POC1A: variants seen among roughly 807,000 people sequenced by gnomAD.
POC1A encodes the protein POC1 centriolar protein homolog A.
Under a neutral mutation model 47.8 loss-of-function variants are expected in POC1A, and 34 were observed. The observed-to-expected ratio is 0.71, with a 90% CI of 0.54 to 0.95. POC1A has a LOEUF of 0.95. Ranked by LOEUF, POC1A falls within the 40% of genes least tolerant of loss-of-function variation. The pLI is 0.00. For synonymous variants in POC1A, 177 were observed against 207.6 expected, an observed-to-expected ratio of 0.85 and a Z score of 1.27; for missense variants, 466 against 528.3, an observed-to-expected ratio of 0.88 and a Z score of 1.16.
intron 9 of POC1A, among the ~76,000 whole-genome samples, chr3:52,116,465 A>G (rs1044340582): frequency 1.5e-4 from 23 of 152,198 alleles, no homozygotes; most frequent in South Asian, 2.1e-4. Flanking sequence ...TCTTGTCCTG[A>G]GGAATCCTGT....
At chr3:52,143,850 T>C (rs879390177) in intron 6 of POC1A, among the ~76,000 whole-genome samples, 5 of 152,124 alleles carry the variant, frequency 3.3e-5, no homozygotes, top group Admixed American at 2.0e-4. Flanking sequence ...GCACTGCCAA[T>C]CAGGCCACAT....
At chr3:52,081,080 C>T (rs534833314) in intron 10 of POC1A, among the ~76,000 whole-genome samples, 11 of 152,360 alleles carry the variant, frequency 7.2e-5, no homozygotes, top group African/African-American at 2.6e-4. Context: ...CCAGCAATTT[C>T]CTGGAAGCCA....
chr3:52,143,487 T>C (rs1199487456), intron 6 of POC1A, among the ~76,000 whole-genome samples: 1 of 152,176 alleles, frequency 6.6e-6, no homozygotes, highest in African/African-American at 2.4e-5. Context: ...TCTCCCATGC[T>C]TGGAGACGGG....
chr3:52,107,390 T>G, intron 9 of POC1A, among the ~76,000 whole-genome samples: 1 of 152,260 alleles, frequency 6.6e-6, no homozygotes, highest in Admixed American at 6.5e-5. Context: ...GAGTCTGTTC[T>G]GGAGTTCCTG....
chr3:52,137,052 G>A (rs1704497566), intron 7 of POC1A, among the ~76,000 whole-genome samples: 1 of 152,134 alleles, frequency 6.6e-6, no homozygotes, highest in African/African-American at 2.4e-5. Flanking sequence ...TTGTCCAGGG[G>A]CTTGGCTTGT....
intron 9 of POC1A, among the ~76,000 whole-genome samples, chr3:52,106,901 C>A (rs577254271): frequency 6.6e-6 from 1 of 152,342 alleles, no homozygotes; most frequent in South Asian, 2.1e-4. Flanking sequence ...AAGAATTTTC[C>A]CCCACACAAA....
chr3:52,085,927 G>C (rs1702444278), intron 10 of POC1A, among the ~76,000 whole-genome samples: 1 of 152,234 alleles, frequency 6.6e-6, no homozygotes, highest in Non-Finnish European at 1.5e-5. Context: ...GCTCCGGGAT[G>C]TTGGGGGAGC....
At chr3:52,148,449 C>T (rs1698440873) in intron 4 of POC1A, among the ~76,000 whole-genome samples, 1 of 152,230 alleles carries the variant, frequency 6.6e-6, no homozygotes, top group Non-Finnish European at 1.5e-5. Context: ...GCACCCCAAC[C>T]CCTTCCTCTG....
rs904692197 is a variant in POC1A, at chr3:52,138,975, A to C, written c.680-673T>G. 2.0e-5 allele frequency among the ~76,000 whole-genome samples: 3 copies of C among 152,160 alleles called. No individual in the cohort carries two copies. In the South Asian group the frequency reaches 6.2e-4, roughly 32 times the overall value. ...CAGCCTCCTGAGTAGCTGAGACTAC[A>C]GGTGTGCCACTACGTCCAGCTGATT... On this transcript the variant is annotated intron_variant, in intron 6 of 10. Transcript: ENST00000296484.
intron 9 of POC1A, among the ~76,000 whole-genome samples, chr3:52,115,915 A>G (rs1365145561): frequency 2.0e-5 from 3 of 152,202 alleles, no homozygotes; most frequent in Admixed American, 2.0e-4. Flanking sequence ...ATACTTAACC[A>G]GTATAATGTA....
intron 7 of POC1A, among the ~76,000 whole-genome samples, chr3:52,136,324 C>A (rs760855988): frequency 2.6e-5 from 4 of 152,088 alleles, no homozygotes; most frequent in Non-Finnish European, 5.9e-5. Flanking sequence ...CAGGGCCTAC[C>A]CACCTTCACC....
chr3:52,143,711 C>T (rs1698273209), intron 6 of POC1A, among the ~76,000 whole-genome samples: 1 of 152,204 alleles, frequency 6.6e-6, no homozygotes, highest in Non-Finnish European at 1.5e-5. Context: ...ATACCAGGCA[C>T]AGCTGGACAC....
At chr3:52,091,260 G>C (rs192007879) in intron 10 of POC1A, among the ~76,000 whole-genome samples, 1 of 152,080 alleles carries the variant, frequency 6.6e-6, no homozygotes, top group South Asian at 2.1e-4. Context: ...CGGGGAGCTC[G>C]CAGCATGTGA....
Position 52,149,126 on chromosome 3 carries a change from T to A in POC1A, c.455+84A>T, listed in dbSNP as rs867977794. The A allele has an allele frequency of 5.1e-6, 6 of 1,180,410 alleles. No homozygotes were observed. The Middle Eastern group carries it at 7.4e-4, about 146-fold the overall frequency. 73.1% of individuals were successfully genotyped at this position (1,180,410 alleles called of 1,614,324 possible). A position where few individuals can be genotyped will look rare whatever the true frequency, so the allele number is the denominator to read the frequency against. On this transcript the variant is annotated intron_variant, in intron 4 of 10. Coordinates refer to ENST00000296484, the MANE Select transcript of POC1A (RefSeq NM_015426.5). ...CAATGCCTAAGTAACTTGCCCGAGG[T>A]CATAAGTTGGTACCTAGCAGCCCCT...
Position 52,154,402 on chromosome 3 carries a change from C to G in POC1A, c.-30G>C. The G allele has an allele frequency of 6.9e-7, 1 of 1,447,934 alleles. No individual in the cohort carries two copies. Among genetic ancestry groups the G allele is most frequent in the Non-Finnish European group, 9.0e-7 (1 of 1,106,722 alleles). The allele number at this position is 1,447,934 out of a possible 1,614,324, so 89.7% of individuals were successfully genotyped here. ...GGGCTGGCGGCGCCGAAGGCAGCTGCGGTGGCCGTTGCGGCCCGTTCAGTT... is the reference window on the plus strand; with the variant it reads ...GGGCTGGCGGCGCCGAAGGCAGCTGGGGTGGCCGTTGCGGCCCGTTCAGTT... On this transcript the variant is annotated 5_prime_UTR_variant, in exon 1 of 11. Transcript: ENST00000296484.
At chr3:52,112,815 A>G (rs1223428621) in intron 9 of POC1A, among the ~76,000 whole-genome samples, 1 of 152,100 alleles carries the variant, frequency 6.6e-6, no homozygotes, top group Admixed American at 6.5e-5. Context: ...AGATAAAGAG[A>G]CTTTCTTCTT....
intron 6 of POC1A, among the ~76,000 whole-genome samples, chr3:52,140,817 G>A (rs750035046): frequency 1.3e-5 from 2 of 151,460 alleles, no homozygotes; most frequent in Non-Finnish European, 2.9e-5. Flanking sequence ...GGTGGGGAGC[G>A]GGTAGTCTAT....
At chr3:52,121,494 T>A (rs958122885) in intron 9 of POC1A, among the ~76,000 whole-genome samples, 1 of 152,008 alleles carries the variant, frequency 6.6e-6, no homozygotes, top group African/African-American at 2.4e-5. Context: ...AACGGGGGCA[T>A]GTGTGTGTGT....
intron 9 of POC1A, among the ~76,000 whole-genome samples, chr3:52,116,984 T>C (rs1703587644): frequency 6.6e-6 from 1 of 152,138 alleles, no homozygotes; most frequent in African/African-American, 2.4e-5. Context: ...GCTCTCGAGT[T>C]CGAGACCAGC....
Sources: allele counts gnomAD v4.1 joint callset (sites outside exome capture counted in the v4.1 genomes callset), GRCh38; gene constraint gnomAD v4.1.1; transcripts MANE v1.5; gene names NCBI Gene and HGNC (gene_info 2026-07-23, HGNC 2026-07-21).